The following PLEKHA2 variants were observed in gnomAD, a reference collection of about 807,000 sequenced individuals.
PLEKHA2 encodes pleckstrin homology domain containing A2, also known as pleckstrin homology domain-containing family A member 2.
PLEKHA2 carries 28 observed loss-of-function variants against 53.2 expected under a neutral mutation model. The ratio of observed to expected loss-of-function variants is 0.53; its 90% CI spans 0.39 to 0.72. The LOEUF (loss-of-function observed/expected upper bound fraction) is 0.72. Ranked by LOEUF, PLEKHA2 falls within the 30% of genes least tolerant of loss-of-function variation. The pLI, the probability that PLEKHA2 is intolerant of heterozygous loss-of-function variation, is 0.00. For missense variants in PLEKHA2, 426 were observed against 537.9 expected, an observed-to-expected ratio of 0.79 and a Z score of 2.06; for synonymous variants, 193 against 196.4, an observed-to-expected ratio of 0.98 and a Z score of 0.14.
At chr8:38,929,297 C>T (rs943845565) in intron 2 of PLEKHA2, among the ~76,000 whole-genome samples, 9 of 152,218 alleles carry the variant, frequency 5.9e-5, no homozygotes, top group African/African-American at 2.2e-4. Context: ...CCCCTTTCTG[C>T]TCTGAATCTC....
chr8:38,937,004 C>G (rs991498067), intron 3 of PLEKHA2, among the ~76,000 whole-genome samples: 4 of 152,222 alleles, frequency 2.6e-5, no homozygotes, highest in Admixed American at 6.5e-5. Flanking sequence ...TCGGCTCCAT[C>G]TTGTAACAAG....
intron 6 of PLEKHA2, among the ~76,000 whole-genome samples, 189 bp downstream of exon 6, chr8:38,951,179 G>A (rs1449193850): frequency 6.6e-6 from 1 of 152,248 alleles, no homozygotes; most frequent in Non-Finnish European, 1.5e-5. Flanking sequence ...TGACGGCAGT[G>A]CGGAAGTGGA....
chr8:38,927,748 A>G (rs1265536061), intron 2 of PLEKHA2, among the ~76,000 whole-genome samples: 3 of 152,178 alleles, frequency 2.0e-5, no homozygotes, highest in Admixed American at 1.3e-4. Flanking sequence ...CACCTGTGAC[A>G]TTGTTGCTGT....
Position 38,917,890 on chromosome 8 carries a change from C to T in PLEKHA2, c.-23-17C>T, listed in dbSNP as rs1165108864. The T allele has an allele frequency of 1.9e-6, 3 of 1,605,324 alleles. No individual in the cohort carries two copies. Among genetic ancestry groups the T allele is most frequent in the Non-Finnish European group, 2.6e-6 (3 of 1,173,772 alleles). ...GCTTCATCTTCCTTCTCATCAGCAC[C>T]TCCCTCCTGCGCGCAGGGTGATGTG... On this transcript the variant is annotated splice_polypyrimidine_tract_variant and intron_variant, in intron 1 of 11. Transcript: ENST00000617275.
chr8:38,918,423 C>G (rs62642078), intron 2 of PLEKHA2, among the ~76,000 whole-genome samples: 143,872 of 145,232 alleles, frequency 0.99, 71,256 homozygotes, highest in Admixed American at 0.99. Context: ...ATACACACAC[C>G]ACACACACCA....
intron 10 of PLEKHA2, among the ~76,000 whole-genome samples, chr8:38,967,235 A>G (rs1835154731): frequency 6.6e-6 from 1 of 152,202 alleles, no homozygotes; most frequent in Admixed American, 6.5e-5. Context: ...TATTGTGAAT[A>G]TTGCTGCAAT....
In PLEKHA2 at chr8:38,901,618, A is replaced by G. The variant is rs571500002; in HGVS notation, c.-24+173A>G. On this transcript the variant is annotated intron_variant, in intron 1 of 11. Coordinates refer to ENST00000617275, the MANE Select transcript of PLEKHA2 (RefSeq NM_021623.2). ...GTCCTAGTGGCTGACAGGCGAGGGGAGGTGGCCGCAGACCCTGGAGGCCTC... is the reference window on the plus strand; with the variant it reads ...GTCCTAGTGGCTGACAGGCGAGGGGGGGTGGCCGCAGACCCTGGAGGCCTC... 1.3e-3 allele frequency among the ~76,000 whole-genome samples: 193 copies of G among 151,630 alleles called. 1 individual carries two copies. The highest frequency in any genetic ancestry group is 2.3e-3 in the Non-Finnish European group (156 of 67,878).
At chr8:38,915,573 C>T (rs1044733250) in intron 1 of PLEKHA2, among the ~76,000 whole-genome samples, 8 of 152,212 alleles carry the variant, frequency 5.3e-5, no homozygotes, top group African/African-American at 1.4e-4. Context: ...ATGCTAACTC[C>T]GTCACCTCTT....
chr8:38,964,817 A>T lies in PLEKHA2; in HGVS notation c.838-3775A>T, dbSNP rs77523208. Among the ~76,000 whole-genome samples the T allele has an allele frequency of 7.5e-3, 1,103 of 147,408 alleles. 46 individuals are homozygous for T. Among genetic ancestry groups the T allele is most frequent in the Admixed American group, 0.065 (956 of 14,682 alleles). ...TTATTTTAGAATTTTGTGAGGTTTT[A>T]AAGTGATTTTATTTTATTTTTTCTT... On this transcript the variant is annotated intron_variant, in intron 10 of 11. Coordinates refer to ENST00000617275, the MANE Select transcript of PLEKHA2 (RefSeq NM_021623.2).
Position 38,927,893 on chromosome 8 carries a change from G to A in PLEKHA2, c.142-8101G>A, listed in dbSNP as rs143225073. ...GGGGAGAGCTGGAGCTGGAGATGACGGCTGGGGATTTGTCACAGAGCTTCC... is the reference window on the plus strand; with the variant it reads ...GGGGAGAGCTGGAGCTGGAGATGACAGCTGGGGATTTGTCACAGAGCTTCC... On this transcript the variant is annotated intron_variant, in intron 2 of 11. Coordinates refer to ENST00000617275, the MANE Select transcript of PLEKHA2 (RefSeq NM_021623.2). Among the ~76,000 whole-genome samples the A allele has an allele frequency of 8.2e-3, 1,241 of 152,182 alleles. 25 individuals carry two copies. The highest frequency in any genetic ancestry group is 0.028 in the African/African-American group (1,155 of 41,510).
In PLEKHA2 at chr8:38,918,085, G is replaced by C. The variant is rs750030461; in HGVS notation, c.141+15G>C. The C allele has an allele frequency of 2.5e-6, 4 of 1,609,796 alleles. No individual in the cohort carries two copies. The highest frequency in any genetic ancestry group is 3.4e-6 in the Non-Finnish European group (4 of 1,177,822). ...ACAACCCCCAGGTGAGAGGGTCAGTGGGAAGGGGTGGGGCGACTGGGTGCC... is the reference window on the plus strand; with the variant it reads ...ACAACCCCCAGGTGAGAGGGTCAGTCGGAAGGGGTGGGGCGACTGGGTGCC... On this transcript the variant is annotated intron_variant, in intron 2 of 11. Coordinates refer to ENST00000617275, the MANE Select transcript of PLEKHA2 (RefSeq NM_021623.2).
intron 9 of PLEKHA2, among the ~76,000 whole-genome samples, chr8:38,955,683 G>T (rs537083371): frequency 2.6e-5 from 4 of 152,196 alleles, no homozygotes; most frequent in African/African-American, 9.7e-5. Context: ...GGTACCTGTG[G>T]CACTGGCCGA....
At chr8:38,938,051 C>A (rs1456767980) in intron 3 of PLEKHA2, among the ~76,000 whole-genome samples, 3 of 152,210 alleles carry the variant, frequency 2.0e-5, no homozygotes, top group African/African-American at 7.2e-5. Flanking sequence ...GGCAACAGAA[C>A]CAGTTCTTAG....
chr8:38,918,179 C>G (rs1834095924), intron 2 of PLEKHA2, 109 bp downstream of exon 2: 1 of 1,400,958 alleles, frequency 7.1e-7, no homozygotes, highest in African/African-American at 1.4e-5. Flanking sequence ...ACACAACCTG[C>G]TGATCAGCAG....
chr8:38,938,063 A>G (rs948511569), intron 3 of PLEKHA2, among the ~76,000 whole-genome samples: 1 of 152,236 alleles, frequency 6.6e-6, no homozygotes, highest in Non-Finnish European at 1.5e-5. Flanking sequence ...AGTTCTTAGC[A>G]AACTAGAAAA....
At chr8:38,915,429 C>T (rs952286114) in intron 1 of PLEKHA2, among the ~76,000 whole-genome samples, 4 of 152,194 alleles carry the variant, frequency 2.6e-5, no homozygotes, top group Non-Finnish European at 4.4e-5. Context: ...TTCTGAGGGC[C>T]GTGAGAGAAA....
At chr8:38,903,046 T>C (rs536710701) in intron 1 of PLEKHA2, among the ~76,000 whole-genome samples, 1 of 152,356 alleles carries the variant, frequency 6.6e-6, no homozygotes, top group East Asian at 1.9e-4. Flanking sequence ...GCTAAGTAAA[T>C]GTTTATTGCA....
intron 10 of PLEKHA2, among the ~76,000 whole-genome samples, chr8:38,961,081 A>C (rs910154449): frequency 5.3e-5 from 8 of 152,224 alleles, no homozygotes; most frequent in African/African-American, 1.9e-4. Flanking sequence ...TTGAGTGTAG[A>C]AAACTATTAA....
chr8:38,926,775 C>T (rs1222986733), intron 2 of PLEKHA2, among the ~76,000 whole-genome samples: 2 of 152,098 alleles, frequency 1.3e-5, no homozygotes, highest in Non-Finnish European at 2.9e-5. Context: ...ACTAAAAGTA[C>T]AATAATTAGC....
Sources: allele counts gnomAD v4.1 joint callset (sites outside exome capture counted in the v4.1 genomes callset), GRCh38; gene constraint gnomAD v4.1.1; transcripts MANE v1.5; gene names NCBI Gene and HGNC (gene_info 2026-07-23, HGNC 2026-07-21).